CTNND2: variants seen among roughly 807,000 people sequenced by gnomAD.
CTNND2 encodes the protein catenin delta-2.
In CTNND2, 22 loss-of-function variants were observed where a neutral mutation model predicts 144.4. The ratio of observed to expected loss-of-function variants is 0.15; its 90% CI spans 0.11 to 0.22. The LOEUF (loss-of-function observed/expected upper bound fraction) is 0.22. CTNND2 is among the 10% of genes least tolerant of loss of function. The pLI is 1.00. For synonymous variants in CTNND2, 751 were observed against 695.6 expected (o/e 1.08, Z -1.25); for missense variants, 1,353 against 1,618.8 (o/e 0.84, Z 2.82).
intron 2 of CTNND2, among the ~76,000 whole-genome samples, chr5:11,693,038 T>G (rs1400015160): frequency 6.6e-6 from 1 of 152,218 alleles, no homozygotes; most frequent in Non-Finnish European, 1.5e-5. Flanking sequence ...GGTTGTCAAT[T>G]TTCATATATT....
rs762470133 is a variant in CTNND2, at chr5:11,903,807, C to A, written c.37+10G>T. On this transcript the variant is annotated intron_variant, in intron 1 of 21. Transcript: ENST00000304623. The surrounding 1 kb of genome is among the most constrained non-coding windows in gnomAD (Gnocchi z 5.4). The stretch of plus-strand genomic sequence containing the variant: ...GCGCCCGGCCCCGGCCGCCCAGCCC[C>A]GCAACTCACCCAAAGGCGCGGCGCC... 1.4e-6 allele frequency: 2 copies of A among 1,480,988 alleles called. No homozygotes were observed. Among genetic ancestry groups the A allele is most frequent in the Admixed American group, 2.3e-5 (1 of 43,734 alleles). The allele number at this position is 1,480,988 out of a possible 1,614,324, so 91.7% of individuals were successfully genotyped here.
chr5:11,639,988 C>T (rs1365874194), intron 2 of CTNND2, among the ~76,000 whole-genome samples: 2 of 152,080 alleles, frequency 1.3e-5, no homozygotes, highest in Admixed American at 6.6e-5. Context: ...TAAGTAGAAA[C>T]TTGCAGAGGA....
intron 16 of CTNND2, among the ~76,000 whole-genome samples, chr5:11,074,587 T>C (rs982339381): frequency 2.0e-5 from 3 of 152,326 alleles, no homozygotes; most frequent in African/African-American, 7.2e-5. Context: ...TTTCCAGGTT[T>C]AGAATTCCTA....
At position 11,540,850 on chromosome 5, in the gene CTNND2, A is replaced by G. The variant is rs79927629; in HGVS notation, c.287+24094T>C. Among the ~76,000 whole-genome samples the G allele has an allele frequency of 4.6e-3, 703 of 152,290 alleles. 5 individuals are homozygous for G. The highest frequency in any genetic ancestry group is 0.016 in the African/African-American group (679 of 41,558). ...ATGGAAATAATAAGGGTTTATACTT[A>G]CCTCTAGTATGAGAGTTAAGTAAGT... On this transcript the variant is annotated intron_variant, in intron 3 of 21. Coordinates refer to ENST00000304623, the MANE Select transcript of CTNND2 (RefSeq NM_001332.4).
At chr5:11,419,069 T>TATAG (rs978910128) in intron 3 of CTNND2, among the ~76,000 whole-genome samples, 11 of 148,568 alleles carry the variant, frequency 7.4e-5, no homozygotes, top group African/African-American at 2.5e-4. Context: ...GATATATATA[T>TATAG]AGAGAGAGAG....
intron 7 of CTNND2, among the ~76,000 whole-genome samples, chr5:11,374,537 T>G (rs1379167948): frequency 1.3e-5 from 2 of 152,116 alleles, no homozygotes; most frequent in Non-Finnish European, 2.9e-5. Context: ...ACTCGGTATT[T>G]TATTCATTAG....
chr5:11,321,761 A>C (rs1403455710), intron 9 of CTNND2, among the ~76,000 whole-genome samples: 1 of 152,054 alleles, frequency 6.6e-6, no homozygotes, highest in Non-Finnish European at 1.5e-5. Flanking sequence ...ACACACAAAC[A>C]CACTAACGTA....
chr5:11,878,346 C>A (rs934052344), intron 1 of CTNND2, among the ~76,000 whole-genome samples: 2 of 152,102 alleles, frequency 1.3e-5, no homozygotes, highest in African/African-American at 4.8e-5. Context: ...TTATTTCTTA[C>A]AAAAGTTTGC....
At chr5:11,465,571 G>T (rs1023583532) in intron 3 of CTNND2, among the ~76,000 whole-genome samples, 2 of 152,164 alleles carry the variant, frequency 1.3e-5, no homozygotes, top group Non-Finnish European at 2.9e-5. Context: ...CTCGAATGAA[G>T]ATCACTATTG....
chr5:11,294,369 T>C (rs773875560), intron 9 of CTNND2, among the ~76,000 whole-genome samples: 1 of 152,180 alleles, frequency 6.6e-6, no homozygotes, highest in Non-Finnish European at 1.5e-5. Flanking sequence ...TGCTGAGTTG[T>C]GAAATGAACT....
chr5:11,368,568 C>T (rs1757186056), intron 7 of CTNND2, among the ~76,000 whole-genome samples: 1 of 152,204 alleles, frequency 6.6e-6, no homozygotes, highest in Admixed American at 6.5e-5. Context: ...CTCTCATTTC[C>T]ATGTACAACT....
intron 3 of CTNND2, among the ~76,000 whole-genome samples, chr5:11,445,376 C>T (rs540130563): frequency 5.2e-4 from 79 of 152,316 alleles, no homozygotes; most frequent in African/African-American, 1.8e-3. Context: ...ATTAAGGTCA[C>T]GCACGGTTTC....
intron 10 of CTNND2, among the ~76,000 whole-genome samples, chr5:11,231,853 C>T (rs902150511): frequency 6.6e-6 from 1 of 152,188 alleles, no homozygotes; most frequent in East Asian, 1.9e-4. Context: ...GGCATGGAGG[C>T]CTGTGGGAGG....
At chr5:11,891,130 T>C (rs950382182) in intron 1 of CTNND2, among the ~76,000 whole-genome samples, 15 of 152,146 alleles carry the variant, frequency 9.9e-5, no homozygotes, top group African/African-American at 3.4e-4. Context: ...CATGCAATTT[T>C]GAAAAATACA....
rs1326525079 is a variant in CTNND2 at position 11,384,667 on chromosome 5, G to C, written c.1175C>G (p.Ala392Gly). The change falls in exon 7 of 22, where the codon GCA becomes GGA. Residue 392 changes from alanine (A) to glycine (G), a missense_variant and splice_region_variant. By Grantham distance (60) the Ala-to-Gly change is moderately conservative (BLOSUM62 0). This residue lies in a region of CTNND2 where 708 missense variants were observed against 706.4 expected (regional missense o/e 1.00). Coordinates refer to ENST00000304623, the MANE Select transcript of CTNND2 (RefSeq NM_001332.4). The surrounding 1 kb of genome is among the most constrained non-coding windows in gnomAD (Gnocchi z 5.2). ...GCCAGGTGGCAGCGAGCCTTTACCT[G>C]CCAGGCTGCCCGGCCTCTGGAGGGT... ...TATLQRPGSL[A>G]AGSRASYSSQ... 6.3e-7 allele frequency: 1 copy of C among 1,599,636 alleles called. No homozygotes were observed. Among genetic ancestry groups the C allele is most frequent in the South Asian group, 1.1e-5 (1 of 89,988 alleles).
At chr5:11,362,755 C>T (rs61750683) in intron 8 of CTNND2, among the ~76,000 whole-genome samples, 3,740 of 152,278 alleles carry the variant, frequency 0.025, 125 homozygotes, top group African/African-American at 0.073. Flanking sequence ...CTATTGCCTC[C>T]CTCATAGGCG....
chr5:11,667,381 C>G (rs569783479), intron 2 of CTNND2, among the ~76,000 whole-genome samples: 7 of 152,102 alleles, frequency 4.6e-5, no homozygotes, highest in Non-Finnish European at 8.8e-5. Context: ...ACACTCCCAA[C>G]AACAGTGTAA....
chr5:11,241,575 A>G (rs898596555), intron 9 of CTNND2, among the ~76,000 whole-genome samples: 1 of 152,240 alleles, frequency 6.6e-6, no homozygotes, highest in African/African-American at 2.4e-5. Context: ...ATCTTTTCAA[A>G]TGTTCTCCTC....
intron 2 of CTNND2, among the ~76,000 whole-genome samples, chr5:11,652,381 C>T (rs1205669986): frequency 6.6e-6 from 1 of 152,126 alleles, no homozygotes; most frequent in Non-Finnish European, 1.5e-5. Context: ...ATCAATTAAA[C>T]CTCTTTTTGT....
Sources: allele counts gnomAD v4.1 joint callset (sites outside exome capture counted in the v4.1 genomes callset), GRCh38; gene constraint gnomAD v4.1.1; regional missense constraint gnomAD v4.1.1; non-coding constraint Gnocchi (gnomAD v3.1); transcripts MANE v1.5; gene names NCBI Gene and HGNC (gene_info 2026-07-23, HGNC 2026-07-21).